Variants in ZIM2 observed in about 807,000 individuals in gnomAD.
ZIM2 encodes the protein zinc finger imprinted 2.
ZIM2 carries 14 observed loss-of-function variants against 38.6 expected under a neutral mutation model. The ratio of observed to expected loss-of-function variants is 0.36; its 90% confidence interval spans 0.24 to 0.57. The LOEUF (loss-of-function observed/expected upper bound fraction) is 0.57. ZIM2 is among the 20% of genes least tolerant of loss of function. The probability of loss-of-function intolerance (pLI) is 0.81; values close to 1 mark genes in which losing one functional copy is unlikely to be tolerated. For missense variants in ZIM2, 680 were observed against 695.1 expected (o/e 0.98, Z 0.24); for synonymous variants, 247 against 245.8 (o/e 1.00, Z -0.04).
In ZIM2 at chr19:56,775,065, C is replaced by A; in HGVS notation, c.1300G>T (p.Val434Leu). The A allele has an allele frequency of 6.2e-7, 1 of 1,614,144 alleles. No individual in the cohort carries two copies. The highest frequency in any genetic ancestry group is 1.1e-5 in the South Asian group (1 of 91,086). The change falls in exon 13 of 13, where the codon GTA (valine) becomes TTA (leucine). Residue 434 changes from valine to leucine, a missense_variant. Physicochemically the swap from Val to Leu is conservative, Grantham distance 32. Transcript: ENST00000629319. ...TAGTCCTCCTGACTGTGAATTCTTA[C>A]ACGTTCACAGAGATTCGCACACTGG... ...SVQCANLCER[V>L]RIHSQEDYFE...
chr19:56,789,750 G>T lies in ZIM2; in HGVS notation c.570+122C>A, dbSNP rs1030817219. Reference sequence around the variant, plus strand: ...TTAGTCAGAAAAAAGGCTCAGTAAAGTGATATTTATATAAAAACTTAATGG... The same window carrying T: ...TTAGTCAGAAAAAAGGCTCAGTAAATTGATATTTATATAAAAACTTAATGG... On this transcript the variant is annotated intron_variant, in intron 10 of 12. Transcript: ENST00000629319. The T allele has an allele frequency of 8.1e-6, 7 of 861,672 alleles. No individual in the cohort carries two copies. The Admixed American group carries it at 1.4e-4, about 18-fold the overall frequency. The allele number at this position is 861,672 out of a possible 1,614,324, so 53.4% of individuals were successfully genotyped here. A position where few individuals can be genotyped will look rare whatever the true frequency, so the allele number is the denominator to read the frequency against.
At chr19:56,791,283 C>T (rs2046917605) in intron 9 of ZIM2, 1 of 152,160 alleles carries the variant, frequency 6.6e-6, no homozygotes, top group Non-Finnish European at 1.5e-5. Flanking sequence ...CTTTATGCCT[C>T]TGTCTCCTGG....
chr19:56,817,545 G>A (rs1417788923), intron 9 of ZIM2: 1 of 1,597,528 alleles, frequency 6.3e-7, no homozygotes, highest in South Asian at 1.1e-5. Context: ...CCCGCCGGTG[G>A]GTTGATTTTT....
chr19:56,806,287 A>G (rs1294302388), intron 9 of ZIM2, among the ~76,000 whole-genome samples: 1 of 152,192 alleles, frequency 6.6e-6, no homozygotes, highest in African/African-American at 2.4e-5. Context: ...AAAAGCCTGG[A>G]TAGGTAGTCA....
At chr19:56,827,876 C>T (rs560766268) in intron 2 of ZIM2, among the ~76,000 whole-genome samples, 2 of 152,228 alleles carry the variant, frequency 1.3e-5, no homozygotes, top group East Asian at 3.9e-4. Flanking sequence ...CAGATGATTT[C>T]TAGAAGGATA....
chr19:56,803,727 A>G (rs1278333649), intron 9 of ZIM2, among the ~76,000 whole-genome samples: 2 of 152,144 alleles, frequency 1.3e-5, no homozygotes, highest in Non-Finnish European at 2.9e-5. Context: ...GTAATTAAAG[A>G]AAATAATAAA....
intron 9 of ZIM2, chr19:56,811,073 A>G (rs1194567617): frequency 4.1e-6 from 4 of 984,458 alleles, no homozygotes; most frequent in African/African-American, 1.7e-5. Context: ...AGAGGAGAGT[A>G]TATGTCTTTG....
Position 56,779,654 on chromosome 19 carries a change from A to G in ZIM2, c.740-182T>C, listed in dbSNP as rs562266570. The stretch of plus-strand genomic sequence containing the variant: ...ATGTATGGAGATATCTTTGGTTGTC[A>G]TAACTGTGGGAGCAGAGGGAGGGGT... On this transcript the variant is annotated intron_variant, in intron 11 of 12. Coordinates refer to ENST00000629319, the MANE Select transcript of ZIM2 (RefSeq NM_001387356.1). Among the ~76,000 whole-genome samples the G allele has an allele frequency of 7.2e-5, 11 of 152,302 alleles. No individual in the cohort carries two copies. The East Asian group carries it at 1.9e-3, about 27-fold the overall frequency.
chr19:56,821,599 C>A, intron 7 of ZIM2, 52 bp downstream of exon 7: 2 of 1,601,862 alleles, frequency 1.2e-6, no homozygotes, highest in Non-Finnish European at 1.7e-6. Context: ...AAAGGCGTCT[C>A]TGCCATGAAA....
intron 9 of ZIM2, among the ~76,000 whole-genome samples, chr19:56,807,080 A>G (rs897292569): frequency 2.0e-5 from 3 of 152,206 alleles, no homozygotes; most frequent in African/African-American, 7.2e-5. Context: ...CCCAAACAGT[A>G]CCTGACACTT....
chr19:56,831,797 G>T, intron 2 of ZIM2, among the ~76,000 whole-genome samples: 1 of 152,184 alleles, frequency 6.6e-6, no homozygotes, highest in East Asian at 1.9e-4. Flanking sequence ...ACACCCACTG[G>T]TTAACTTTGT....
rs151177996 is a variant in ZIM2, at chr19:56,815,500, C to T, written c.490+2246G>A. 103 of 1,614,116 alleles carry T rather than the reference C, an allele frequency of 6.4e-5. No individual in the cohort carries two copies. Among genetic ancestry groups the T allele is most frequent in the African/African-American group, 2.7e-5 (2 of 75,022 alleles). On this transcript the variant is annotated intron_variant, in intron 9 of 12. Transcript: ENST00000629319. ...CTTCTGGTGCTCAGTGAGGTCAGAG[C>T]TATGAGCAAAGCACTCCCCACACTC...
At position 56,782,105 on chromosome 19, in the gene ZIM2, T is replaced by C. The variant is rs779153042; in HGVS notation, c.587A>G (p.His196Arg). Residue 196 changes from histidine to arginine, a missense_variant, in exon 11 of 13, where the codon CAC becomes CGC. By Grantham distance (29) the His-to-Arg change is conservative. Transcript: ENST00000629319. ...CTCAAACACCAGAAATGTTCCTAAGTGTTTGAAGTCCGGGAACTATCCCAG... is the reference window on the plus strand; with the variant it reads ...CTCAAACACCAGAAATGTTCCTAAGCGTTTGAAGTCCGGGAACTATCCCAG... Reference protein sequence around the residue: ...SAGSQFPDFKHLGTFLVFEEL... With the variant: ...SAGSQFPDFKRLGTFLVFEEL... The C allele has an allele frequency of 5.0e-6, 8 of 1,613,650 alleles. No homozygotes were observed. In the African/African-American group the frequency reaches 1.1e-4, roughly 22 times the overall value.
At chr19:56,836,732 G>T (rs2062148085) in intron 1 of ZIM2, among the ~76,000 whole-genome samples, 1 of 152,086 alleles carries the variant, frequency 6.6e-6, no homozygotes, top group African/African-American at 2.4e-5. Context: ...ACTTTGGGAG[G>T]CCAAGGCGGG....
At chr19:56,815,037 A>T (rs2059842942) in intron 9 of ZIM2, 1 of 1,614,062 alleles carries the variant, frequency 6.2e-7, no homozygotes, top group Admixed American at 1.7e-5. Context: ...CCCGACTGTC[A>T]ACCAGGCACT....
At chr19:56,833,689 A>C (rs2061798096) in intron 2 of ZIM2, 1 of 167,158 alleles carries the variant, frequency 6.0e-6, no homozygotes, top group Admixed American at 5.6e-5. Flanking sequence ...CCCAGGAAAG[A>C]AGCATTCCTA....
chr19:56,792,530 CAAAAAAAAAA>C (rs1215431208), intron 9 of ZIM2, among the ~76,000 whole-genome samples: 10 of 20,958 alleles, frequency 4.8e-4, no homozygotes, highest in South Asian at 1.9e-3. Context: ...GACTCTGTCT[CAAAAAAAAAA>C]AAAAAAAAAA....
At chr19:56,803,685 G>T (rs1038655537) in intron 9 of ZIM2, among the ~76,000 whole-genome samples, 1 of 152,188 alleles carries the variant, frequency 6.6e-6, no homozygotes, top group Non-Finnish European at 1.5e-5. Flanking sequence ...GCAATAGTCC[G>T]TTGCTGAAGC....
chr19:56,815,913 AGGT>A, intron 9 of ZIM2: 2 of 1,610,690 alleles, frequency 1.2e-6, no homozygotes, highest in Non-Finnish European at 1.7e-6. Flanking sequence ...GACTTCTTGG[AGGT>A]TTGGAAGCCA....
Sources: allele counts gnomAD v4.1 joint callset (sites outside exome capture counted in the v4.1 genomes callset), GRCh38; gene constraint gnomAD v4.1.1; transcripts MANE v1.5; gene names NCBI Gene and HGNC (gene_info 2026-07-23, HGNC 2026-07-21).